MBP: variants seen among roughly 807,000 people sequenced by gnomAD.
MBP encodes myelin basic protein, also known as Golli-MBP.
Under a neutral mutation model 35.8 loss-of-function variants are expected in MBP, and 16 were observed. That is an observed-to-expected ratio of 0.45 (90% CI 0.30 to 0.68). The LOEUF (loss-of-function observed/expected upper bound fraction) is 0.68. MBP is among the 30% of genes least tolerant of loss of function. The pLI is 0.08. For synonymous variants in MBP, 143 were observed against 159.6 expected (o/e 0.90, Z 0.78); for missense variants, 380 against 404.7 (o/e 0.94, Z 0.52).
chr18:77,067,192 CG>C (rs1974234725), intron 2 of MBP, among the ~76,000 whole-genome samples: 1 of 152,224 alleles, frequency 6.6e-6, no homozygotes, highest in Non-Finnish European at 1.5e-5. Flanking sequence ...GCTGAAACCC[CG>C]GGGTCTCCTG....
Position 76,984,764 on chromosome 18 carries a change from G to A in MBP, c.870+11C>T. The A allele has an allele frequency of 1.9e-6, 3 of 1,613,914 alleles. No homozygotes were observed. Among genetic ancestry groups the A allele is most frequent in the East Asian group, 4.5e-5 (2 of 44,864 alleles). ...TCCCCGCTCAGTGGAGCTGAGCAGA[G>A]GGTACCTTACCAGCTTAAAAATTTT... On this transcript the variant is annotated intron_variant, in intron 8 of 8. Coordinates refer to ENST00000355994, the MANE Select transcript of MBP (RefSeq NM_001025101.2).
At chr18:77,112,169 GCACA>G (rs6146398) in intron 1 of MBP, among the ~76,000 whole-genome samples, 4 of 150,872 alleles carry the variant, frequency 2.7e-5, no homozygotes, top group African/African-American at 9.8e-5. Context: ...CCGTGCACAC[GCACA>G]CACACACACA....
At chr18:77,016,524 G>C (rs1347629974) in intron 4 of MBP, 1 of 1,231,134 alleles carries the variant, frequency 8.1e-7, no homozygotes, top group African/African-American at 1.5e-5. Flanking sequence ...TGAGAATGTG[G>C]CTCTCTTTCT....
chr18:77,016,713 G>A (rs1210408186), intron 4 of MBP, 119 bp downstream of exon 4: 16 of 1,479,328 alleles, frequency 1.1e-5, no homozygotes, highest in South Asian at 2.7e-5. Context: ...AGCACGGAAC[G>A]AGACCTTAGA....
At chr18:77,076,615 G>A (rs1974661310) in intron 2 of MBP, among the ~76,000 whole-genome samples, 1 of 152,252 alleles carries the variant, frequency 6.6e-6, no homozygotes, top group African/African-American at 2.4e-5. Flanking sequence ...ATGCAAAGCA[G>A]GAACGACTGT....
intron 1 of MBP, among the ~76,000 whole-genome samples, chr18:77,106,002 C>T (rs190428303): frequency 6.6e-6 from 1 of 152,258 alleles, no homozygotes; most frequent in Non-Finnish European, 1.5e-5. Context: ...TCCTGCGGAA[C>T]CTGCCCTGGC....
intron 3 of MBP, among the ~76,000 whole-genome samples, chr18:77,056,095 T>C (rs955084091): frequency 2.6e-5 from 4 of 152,214 alleles, no homozygotes; most frequent in Non-Finnish European, 5.9e-5. Flanking sequence ...CGCATGGCAG[T>C]GAGGCCGCTG....
At chr18:77,054,737 G>T (rs1240787620) in intron 3 of MBP, among the ~76,000 whole-genome samples, 1 of 152,144 alleles carries the variant, frequency 6.6e-6, no homozygotes, top group Non-Finnish European at 1.5e-5. Context: ...CCTGTTAGCG[G>T]CGGGTGACAC....
At chr18:76,985,002 C>A in intron 7 of MBP, 108 bp from the exon 8 acceptor site, 1 of 1,549,814 alleles carries the variant, frequency 6.5e-7, no homozygotes, top group Non-Finnish European at 8.7e-7. Flanking sequence ...AGGCCCCGGA[C>A]TGGACTGGTG....
At chr18:77,030,392 C>CAGGGACGGGA (rs1972498410) in intron 3 of MBP, among the ~76,000 whole-genome samples, 1 of 152,168 alleles carries the variant, frequency 6.6e-6, no homozygotes, top group Non-Finnish European at 1.5e-5. Context: ...GGCCTCCACA[C>CAGGGACGGGA]AGGGACGGGA....
intron 2 of MBP, among the ~76,000 whole-genome samples, chr18:77,103,378 T>A (rs534186125): frequency 1.3e-5 from 2 of 152,242 alleles, no homozygotes; most frequent in South Asian, 4.1e-4. Context: ...CCGGCCCATC[T>A]TCAGCAGCCG....
intron 3 of MBP, among the ~76,000 whole-genome samples, chr18:77,032,239 CA>C (rs1328541888): frequency 1.3e-5 from 2 of 152,184 alleles, no homozygotes; most frequent in Non-Finnish European, 2.9e-5. Context: ...TGCTTGGGGT[CA>C]CCAGGGAGGG....
chr18:77,017,255 C>G lies in MBP; in HGVS notation c.153G>C (p.Ala51=). Residue 51 remains alanine (A), a synonymous_variant, in exon 4 of 9, where the codon GCG becomes GCC. Transcript: ENST00000355994. ...EDNEVFGEAD[A]NQNNGTSSQD... is the part of the protein sequence containing the mutation. Reference sequence around the variant, plus strand: ...GAGAGGAGGTCCCATTGTTCTGGTTCGCATCTGCCTCTCCTGCAAACAACA... The same window carrying G: ...GAGAGGAGGTCCCATTGTTCTGGTTGGCATCTGCCTCTCCTGCAAACAACA... 6.6e-7 allele frequency: 1 copy of G among 1,508,372 alleles called. No individual in the cohort carries two copies. Among genetic ancestry groups the G allele is most frequent in the East Asian group, 2.3e-5 (1 of 43,884 alleles). 93.4% of individuals were successfully genotyped at this position (1,508,372 alleles called of 1,614,324 possible).
chr18:76,981,048 G>A (rs1969168329), intron 8 of MBP: 1 of 154,284 alleles, frequency 6.5e-6, no homozygotes, highest in Non-Finnish European at 1.4e-5. Context: ...TTAAAACCAT[G>A]CATTTACACG....
At chr18:77,076,968 G>A (rs1239433967) in intron 2 of MBP, among the ~76,000 whole-genome samples, 1 of 152,174 alleles carries the variant, frequency 6.6e-6, no homozygotes, top group Non-Finnish European at 1.5e-5. Flanking sequence ...GTACAAGAGT[G>A]AGAATAATAG....
intron 1 of MBP, among the ~76,000 whole-genome samples, chr18:77,129,975 G>T (rs989970908): frequency 1.3e-5 from 2 of 150,994 alleles, no homozygotes; most frequent in African/African-American, 4.9e-5. Context: ...TTTGGATCCA[G>T]AAGGTGGAGG....
At chr18:76,992,013 C>T (rs1027079908) in intron 4 of MBP, among the ~76,000 whole-genome samples, 6 of 152,336 alleles carry the variant, frequency 3.9e-5, no homozygotes, top group African/African-American at 9.6e-5. Context: ...TGCTGCGTTT[C>T]GCCCAGCACC....
intron 7 of MBP, 115 bp from the exon 8 acceptor site, chr18:76,985,009 G>A: frequency 6.5e-7 from 1 of 1,539,014 alleles, no homozygotes; most frequent in South Asian, 1.2e-5. Flanking sequence ...GGACTGGACT[G>A]GTGAGTGGTT....
chr18:76,983,042 G>A (rs1969301262), intron 8 of MBP: 1 of 152,178 alleles, frequency 6.6e-6, no homozygotes, highest in Non-Finnish European at 1.5e-5. Context: ...GTTCCTCAGG[G>A]TGGTCTTGGT....
Sources: allele counts gnomAD v4.1 joint callset (sites outside exome capture counted in the v4.1 genomes callset), GRCh38; gene constraint gnomAD v4.1.1; transcripts MANE v1.5; gene names NCBI Gene and HGNC (gene_info 2026-07-23, HGNC 2026-07-21).